Variants in P2RX5 observed in about 807,000 individuals in gnomAD.
P2RX5 encodes the protein purinergic receptor P2X 5.
P2RX5 carries 46 observed loss-of-function variants against 54.1 expected under a neutral mutation model. The ratio of observed to expected loss-of-function variants is 0.85; its 90% CI spans 0.67 to 1.09. P2RX5 has a LOEUF of 1.09. Among genes scored for constraint, P2RX5 ranks in the 50% least tolerant of loss-of-function variants. P2RX5 has a pLI of 0.00. For synonymous variants in P2RX5, 226 were observed against 226.4 expected (o/e 1.00, Z 0.02); for missense variants, 566 against 549.8 (o/e 1.03, Z -0.29).
In P2RX5 at chr17:3,673,779, G is replaced by A; in HGVS notation, c.*89C>T. The A allele has an allele frequency of 2.5e-6, 4 of 1,611,806 alleles. No homozygotes were observed. In the South Asian group the frequency reaches 4.4e-5, roughly 18 times the overall value. On this transcript the variant is annotated 3_prime_UTR_variant, in exon 12 of 12. Coordinates refer to ENST00000225328, the MANE Select transcript of P2RX5 (RefSeq NM_002561.4). ...CACCCAATGTACAAATTTCCCGTTG[G>A]GCAGCATCCTGGGATTCCCAAAGGC...
Position 3,688,100 on chromosome 17 carries a change from G to A in P2RX5, c.893C>T (p.Ala298Val). Reference sequence around the variant, plus strand: ...CCCGGCTGCGTCTCGGTAATATCTGGCAAATCTGAGGGAGACAGGGCCCAG... The same window carrying A: ...CCCGGCTGCGTCTCGGTAATATCTGACAAATCTGAGGGAGACAGGGCCCAG... ...SVSSGYNFRF[A>V]RYYRDAAGVE... The change falls in exon 9 of 12, where the codon GCC becomes GTC. Residue 298 changes from alanine (A) to valine (V), a missense_variant. Physicochemically the swap from Ala to Val is moderately conservative, Grantham distance 64. Transcript: ENST00000225328. 6.3e-7 allele frequency: 1 copy of A among 1,589,478 alleles called. No homozygotes were observed. Among genetic ancestry groups the A allele is most frequent in the African/African-American group, 1.3e-5 (1 of 74,210 alleles).
At chr17:3,712,984 A>T in the P2RX5 span, among the ~76,000 whole-genome samples, 3 of 152,042 alleles carry the variant, frequency 2.0e-5, no homozygotes. Context: ...GCCAGATAAG[A>T]TAAACATTCA....
rs201101663 is a variant in P2RX5, at chr17:3,690,129, G to A, written c.555C>T (p.Ala185=). ...TCTTTATGAAAATGGTGAAGTCTTC[G>A]GCCTCCTTCAGGAATGGCTCCCTGA... is the stretch of plus-strand genomic sequence containing the variant. The part of the protein sequence containing the change: ...SRPEEPFLKE[A]EDFTIFIKNH... The change falls in exon 6 of 12, where the codon GCC becomes GCT. Residue 185 remains alanine, a synonymous_variant. Coordinates refer to ENST00000225328, the MANE Select transcript of P2RX5 (RefSeq NM_002561.4). 16 of 1,614,030 alleles carry A rather than the reference G, an allele frequency of 9.9e-6. No individual in the cohort carries two copies. Among genetic ancestry groups the A allele is most frequent in the East Asian group, 2.2e-5 (1 of 44,892 alleles).
chr17:3,689,541 C>A lies in P2RX5; in HGVS notation c.704G>T (p.Gly235Val), dbSNP rs756212968. Residue 235 changes from glycine (G) to valine (V), a missense_variant, in exon 7 of 12, where the codon GGC becomes GTC. Physicochemically the swap from Gly to Val is moderately radical, Grantham distance 109. Coordinates refer to ENST00000225328, the MANE Select transcript of P2RX5 (RefSeq NM_002561.4). Reference protein sequence around the residue: ...KNHYCPIFRLGSVIRWAGSDF... With the variant: ...KNHYCPIFRLVSVIRWAGSDF... ...GCTCCCGGCCCAGCGGATCACGGAG[C>A]CCAGTCGGAAGATGGGGCAGTAGTG... The A allele has an allele frequency of 7.3e-5, 118 of 1,614,082 alleles. No homozygotes were observed. Among genetic ancestry groups the A allele is most frequent in the Non-Finnish European group, 9.6e-5 (113 of 1,180,042 alleles).
chr17:3,676,027 G>A (rs948968087), intron 11 of P2RX5: 26 of 985,178 alleles, frequency 2.6e-5, no homozygotes, highest in African/African-American at 2.6e-4. Context: ...CACCACCCCC[G>A]CCTTTCTGTG....
At chr17:3,705,505 C>T in the P2RX5 span, among the ~76,000 whole-genome samples, 4 of 152,130 alleles carry the variant, frequency 2.6e-5, no homozygotes, top group African/African-American at 7.2e-5. Flanking sequence ...TCATGAAGGC[C>T]TCCTCAATTG....
At chr17:3,674,286 A>T (rs963552991) in intron 11 of P2RX5, among the ~76,000 whole-genome samples, 2 of 151,904 alleles carry the variant, frequency 1.3e-5, no homozygotes, top group Non-Finnish European at 2.9e-5. Flanking sequence ...ACTCCCATCC[A>T]GCCTGGGCGA....
At chr17:3,689,945 AAC>A in intron 6 of P2RX5, 123 bp downstream of exon 6, 1 of 926,676 alleles carries the variant, frequency 1.1e-6, no homozygotes, top group Non-Finnish European at 1.8e-6. Context: ...CACACACGCG[AAC>A]ACACGCACAC....
chr17:3,673,229 T>C lies in P2RX5; in HGVS notation c.*639A>G. ...GAAGAGAAAAAAATCAGGACACGTTTGAAATTGACACCATTTATTGTTTTA... is the reference window on the plus strand; with the variant it reads ...GAAGAGAAAAAAATCAGGACACGTTCGAAATTGACACCATTTATTGTTTTA... On this transcript the variant is annotated 3_prime_UTR_variant, in exon 12 of 12. Transcript: ENST00000225328. The C allele has an allele frequency of 1.0e-6, 1 of 987,016 alleles. No individual in the cohort carries two copies. The highest frequency in any genetic ancestry group is 1.2e-6 in the Non-Finnish European group (1 of 830,840). 61.1% of individuals were successfully genotyped at this position (987,016 alleles called of 1,614,324 possible). A position where few individuals can be genotyped will look rare whatever the true frequency, so the allele number is the denominator to read the frequency against.
upstream of P2RX5, chr17:3,696,201 C>T: frequency 2.5e-6 from 1 of 403,654 alleles, no homozygotes; most frequent in Non-Finnish European, 4.1e-6. Flanking sequence ...GTTGAGAAAG[C>T]CTCGGCTGGG....
chr17:3,680,714 C>A (rs571653655), intron 10 of P2RX5, among the ~76,000 whole-genome samples: 1 of 120,124 alleles, frequency 8.3e-6, no homozygotes, highest in Non-Finnish European at 1.8e-5. Flanking sequence ...CCTGCATCCT[C>A]CACCCTGCAT....
the P2RX5 span, chr17:3,723,732 A>C: frequency 1.2e-6 from 2 of 1,606,964 alleles, no homozygotes. Context: ...CTCCAGGTGC[A>C]CACCGTGGAG....
At chr17:3,676,432 T>C in intron 11 of P2RX5, 1 of 967,608 alleles carries the variant, frequency 1.0e-6, no homozygotes, top group African/African-American at 2.0e-5. Flanking sequence ...GGAGGTTGCT[T>C]TTCACTGACT....
the P2RX5 span, among the ~76,000 whole-genome samples, chr17:3,722,086 G>A: frequency 6.6e-6 from 1 of 152,170 alleles, no homozygotes; most frequent in South Asian, 2.1e-4. Context: ...GGCTGAGGCA[G>A]GAGAATCGCT....
At chr17:3,700,204 A>T (rs2050808773), upstream of P2RX5, among the ~76,000 whole-genome samples, 1 of 152,094 alleles carries the variant, frequency 6.6e-6, no homozygotes, top group Non-Finnish European at 1.5e-5. Context: ...CCCAGTGGGG[A>T]GATGAGGACT....
chr17:3,697,334 G>A (rs925550440), upstream of P2RX5, among the ~76,000 whole-genome samples: 2 of 151,284 alleles, frequency 1.3e-5, no homozygotes, highest in Admixed American at 1.3e-4. Context: ...GGAGTGGGAT[G>A]AGGGAGGGCC....
intron 1 of P2RX5, chr17:3,692,108 TCCTGGCTAACACAGTGAAAC>T: frequency 2.8e-6 from 1 of 357,930 alleles, no homozygotes; most frequent in South Asian, 2.7e-5. Context: ...ATTGAGACCA[TCCTGGCTAACACAGTGAAAC>T]CCTGTCTCTA....
Position 3,678,371 on chromosome 17 carries a change from C to T in P2RX5, c.1259+1219G>A, listed in dbSNP as rs538732096. On this transcript the variant is annotated intron_variant, in intron 11 of 11. Coordinates refer to ENST00000225328, the MANE Select transcript of P2RX5 (RefSeq NM_002561.4). ...GCAGCAATTGCGGTGGCAGCTGGAG[C>T]GTGGGCCTGTGAGTCCACAGCCTCC... Among the ~76,000 whole-genome samples the T allele has an allele frequency of 4.6e-5, 7 of 152,362 alleles. No homozygotes were observed. In the South Asian group the frequency reaches 6.2e-4, roughly 14 times the overall value.
rs112767258 is a variant in P2RX5, at chr17:3,682,529, G to T, written c.982-551C>A. 444 of 182,094 alleles carry T rather than the reference G, an allele frequency of 2.4e-3. 1 individual carries two copies. The highest frequency in any genetic ancestry group is 3.4e-3 in the Non-Finnish European group (283 of 84,438). 11.3% of individuals were successfully genotyped at this position (182,094 alleles called of 1,614,324 possible). A position where few individuals can be genotyped will look rare whatever the true frequency, so the allele number is the denominator to read the frequency against. Reference sequence around the variant, plus strand: ...ATGCCGCAGGGCCTGTGCGGGAAGAGGGAGATGCGCTTCTGGAGAAGGGGA... The same window carrying T: ...ATGCCGCAGGGCCTGTGCGGGAAGATGGAGATGCGCTTCTGGAGAAGGGGA... On this transcript the variant is annotated intron_variant, in intron 9 of 11. Transcript: ENST00000225328.
Sources: allele counts gnomAD v4.1 joint callset (sites outside exome capture counted in the v4.1 genomes callset), GRCh38; gene constraint gnomAD v4.1.1; transcripts MANE v1.5; gene names NCBI Gene and HGNC (gene_info 2026-07-23, HGNC 2026-07-21).